The following XPR1 variants were observed in gnomAD, a reference collection of about 807,000 sequenced individuals.
XPR1 encodes xenotropic and polytropic retrovirus receptor 1, also known as solute carrier family 53 member 1.
Under a neutral mutation model 87.5 loss-of-function variants are expected in XPR1, and 28 were observed. That is an observed-to-expected ratio of 0.32 (90% CI 0.24 to 0.44). The LOEUF (loss-of-function observed/expected upper bound fraction) is 0.44, where lower values mean the gene tolerates loss of function less well. Among genes scored for constraint, XPR1 ranks in the 20% least tolerant of loss-of-function variants. The probability of loss-of-function intolerance (pLI) is 1.00; values close to 1 mark genes in which losing one functional copy is unlikely to be tolerated. For synonymous variants in XPR1, 300 were observed against 306.1 expected, an observed-to-expected ratio of 0.98 and a Z score of 0.21; for missense variants, 559 against 862.3, an observed-to-expected ratio of 0.65 and a Z score of 4.41.
intron 2 of XPR1, among the ~76,000 whole-genome samples, chr1:180,754,749 A>G (rs1224678666): frequency 6.6e-6 from 1 of 152,166 alleles, no homozygotes; most frequent in African/African-American, 2.4e-5. Flanking sequence ...GGTGTGAGCC[A>G]TCGGGCCCGG....
At position 180,793,111 on chromosome 1, in the gene XPR1, G is replaced by A. The variant is rs571849034; in HGVS notation, c.223+5257G>A. 4.0e-4 allele frequency among the ~76,000 whole-genome samples: 61 copies of A among 152,160 alleles called. 1 individual carries two copies. The highest frequency in any genetic ancestry group is 6.8e-3 in the Middle Eastern group (2 of 294). ...TTTTCTTTACTAAAAAGGAAGGAAAGGAGGGAGAGAGGGAAGAAGGAAGGT... is the reference window on the plus strand; with the variant it reads ...TTTTCTTTACTAAAAAGGAAGGAAAAGAGGGAGAGAGGGAAGAAGGAAGGT... On this transcript the variant is annotated intron_variant, in intron 3 of 14. Coordinates refer to ENST00000367590, the MANE Select transcript of XPR1 (RefSeq NM_004736.4).
At chr1:180,810,925 A>G (rs1048962576) in intron 6 of XPR1, among the ~76,000 whole-genome samples, 2 of 152,066 alleles carry the variant, frequency 1.3e-5, no homozygotes, top group East Asian at 3.8e-4. Context: ...CCCTTATAAA[A>G]TGGCATACTA....
chr1:180,826,029 A>G (rs1419263908), intron 9 of XPR1, among the ~76,000 whole-genome samples: 3 of 152,166 alleles, frequency 2.0e-5, no homozygotes, highest in African/African-American at 7.2e-5. Context: ...CAGCCTGGGC[A>G]ACAAGAGCAA....
intron 2 of XPR1, among the ~76,000 whole-genome samples, chr1:180,749,401 T>C (rs1445327446): frequency 6.6e-6 from 1 of 152,192 alleles, no homozygotes; most frequent in Non-Finnish European, 1.5e-5. Context: ...CTTTGTTGTT[T>C]CACTTTCTTC....
chr1:180,697,351 CT>C (rs947531342), intron 2 of XPR1, among the ~76,000 whole-genome samples: 9 of 151,718 alleles, frequency 5.9e-5, no homozygotes, highest in East Asian at 5.8e-4. Flanking sequence ...TATGGGTCTT[CT>C]TTTTTTCATG....
chr1:180,696,198 GTGTGTGTGTGTA>G (rs1436851085), intron 2 of XPR1, among the ~76,000 whole-genome samples: 162 of 115,870 alleles, frequency 1.4e-3, no homozygotes, highest in African/African-American at 3.2e-3. Flanking sequence ...GTGTGTGTGT[GTGTGTGTGTGTA>G]TATATATATA....
intron 1 of XPR1, among the ~76,000 whole-genome samples, chr1:180,634,993 G>T (rs2101889775): frequency 6.6e-6 from 1 of 152,048 alleles, no homozygotes; most frequent in Middle Eastern, 3.4e-3. Flanking sequence ...TCCATTATAG[G>T]TCATGTTTTT....
chr1:180,842,162 A>C (rs997161790), intron 11 of XPR1, among the ~76,000 whole-genome samples: 6 of 152,198 alleles, frequency 3.9e-5, no homozygotes, highest in Admixed American at 2.6e-4. Flanking sequence ...TAAATTTTAG[A>C]GGGGCAAGGA....
chr1:180,879,163 A>T (rs999013002), intron 13 of XPR1, among the ~76,000 whole-genome samples: 2 of 152,192 alleles, frequency 1.3e-5, no homozygotes, highest in Non-Finnish European at 2.9e-5. Context: ...CTCCATCTTT[A>T]TAAATAAATC....
At chr1:180,740,660 A>G (rs1658886949) in intron 2 of XPR1, among the ~76,000 whole-genome samples, 1 of 152,152 alleles carries the variant, frequency 6.6e-6, no homozygotes, top group Non-Finnish European at 1.5e-5. Context: ...TCAGGATAGT[A>G]TTGACGTCCT....
intron 2 of XPR1, among the ~76,000 whole-genome samples, chr1:180,770,323 A>G (rs1648463450): frequency 6.6e-6 from 1 of 152,190 alleles, no homozygotes; most frequent in Non-Finnish European, 1.5e-5. Flanking sequence ...GAGTGCCAGC[A>G]TGGTTGGTTC....
chr1:180,738,203 A>G (rs1331104700), intron 2 of XPR1, among the ~76,000 whole-genome samples: 1 of 151,962 alleles, frequency 6.6e-6, no homozygotes. Flanking sequence ...GTAGAGATGA[A>G]GTTTGGCCAC....
chr1:180,686,208 A>G (rs564219041), intron 2 of XPR1, among the ~76,000 whole-genome samples: 16 of 152,300 alleles, frequency 1.1e-4, no homozygotes, highest in Middle Eastern at 6.8e-3. Flanking sequence ...GCTGGTTTCA[A>G]AGAACATCTT....
intron 2 of XPR1, among the ~76,000 whole-genome samples, chr1:180,754,565 A>G (rs948182399): frequency 4.6e-5 from 7 of 152,098 alleles, no homozygotes; most frequent in Admixed American, 2.0e-4. Flanking sequence ...GGCTCAATCA[A>G]TCCGCCCACC....
At chr1:180,764,011 A>T (rs1648168884) in intron 2 of XPR1, among the ~76,000 whole-genome samples, 1 of 152,216 alleles carries the variant, frequency 6.6e-6, no homozygotes. Flanking sequence ...ATTATTTTTC[A>T]CTTTGTTAAT....
chr1:180,873,242 A>G (rs975668372), intron 12 of XPR1, among the ~76,000 whole-genome samples: 2 of 152,206 alleles, frequency 1.3e-5, no homozygotes, highest in African/African-American at 2.4e-5. Context: ...ACCTGCAAGT[A>G]TTACTTGAGC....
chr1:180,699,921 A>T (rs1426916339), intron 2 of XPR1, among the ~76,000 whole-genome samples: 5 of 22,960 alleles, frequency 2.2e-4, no homozygotes, highest in Admixed American at 1.9e-3. Context: ...CTGGTGTGAG[A>T]TGATATCTCA....
At chr1:180,856,992 G>A (rs865857556) in intron 11 of XPR1, among the ~76,000 whole-genome samples, 1 of 152,216 alleles carries the variant, frequency 6.6e-6, no homozygotes, top group Admixed American at 6.5e-5. Flanking sequence ...TGAAGACTTA[G>A]TTTGAAACAA....
rs1380059499 is a variant in XPR1, at chr1:180,827,666, T to C, written c.1134+2322T>C. On this transcript the variant is annotated intron_variant, in intron 9 of 14. Transcript: ENST00000367590. ...TGTGGTTTGTTGTTTTTGTAGTAAC[T>C]GTTATAAACAGAACAGTGTTATCAT... is the stretch of plus-strand genomic sequence containing the variant. Among the ~76,000 whole-genome samples the C allele has an allele frequency of 2.0e-5, 3 of 152,174 alleles. No individual in the cohort carries two copies. In the East Asian group the frequency reaches 5.8e-4, roughly 29 times the overall value.
Sources: allele counts gnomAD v4.1 joint callset (sites outside exome capture counted in the v4.1 genomes callset), GRCh38; gene constraint gnomAD v4.1.1; transcripts MANE v1.5; gene names NCBI Gene and HGNC (gene_info 2026-07-23, HGNC 2026-07-21).